PNISR: variants seen among roughly 807,000 people sequenced by gnomAD.
The protein encoded by PNISR is arginine/serine-rich protein PNISR.
In PNISR, 20 loss-of-function variants were observed where a neutral mutation model predicts 93.4. The observed-to-expected ratio is 0.21, with a 90% CI of 0.15 to 0.31. PNISR has a LOEUF of 0.31. Ranked by LOEUF, PNISR falls within the 10% of genes least tolerant of loss-of-function variation. The pLI, the probability that PNISR is intolerant of heterozygous loss-of-function variation, is 1.00. For missense variants in PNISR, 893 were observed against 985.4 expected (o/e 0.91, Z 1.25); for synonymous variants, 305 against 306.5 (o/e 0.99, Z 0.05).
At chr6:99,414,242 A>G (rs1777370603) in intron 3 of PNISR, among the ~76,000 whole-genome samples, 2 of 152,352 alleles carry the variant, frequency 1.3e-5, no homozygotes, top group African/African-American at 4.8e-5. Flanking sequence ...GTTCAATATA[A>G]TATACAACTT....
intron 1 of PNISR, among the ~76,000 whole-genome samples, chr6:99,421,111 G>A (rs1241437298): frequency 5.3e-5 from 8 of 152,234 alleles, no homozygotes; most frequent in African/African-American, 1.9e-4. Context: ...GTTAGGCTTG[G>A]GTTTTCAAGT....
At chr6:99,422,961 C>T (rs893521275) in intron 1 of PNISR, among the ~76,000 whole-genome samples, 8 of 149,950 alleles carry the variant, frequency 5.3e-5, no homozygotes, top group Non-Finnish European at 8.9e-5. Context: ...ATAAATGTAG[C>T]GAGAGCGCCC....
At position 99,410,729 on chromosome 6, in the gene PNISR, AAT is replaced by A. The variant is rs1776805292; in HGVS notation, c.501+10_501+11del. 1 of 1,598,396 alleles carries A rather than the reference AAT, an allele frequency of 6.3e-7. No homozygotes were observed. Among genetic ancestry groups the A allele is most frequent in the Non-Finnish European group, 8.6e-7 (1 of 1,166,234 alleles). On this transcript the variant is annotated intron_variant, in intron 5 of 11. Coordinates refer to ENST00000369239, the MANE Select transcript of PNISR (RefSeq NM_032870.4). ...CACATCTACAATATTAAAGCAACAA[AAT>A]ATCTTTCACCTGATAGTCAAACTGG... is the stretch of plus-strand genomic sequence containing the variant.
chr6:99,408,497 C>T (rs1776435956), intron 6 of PNISR, among the ~76,000 whole-genome samples: 1 of 152,146 alleles, frequency 6.6e-6, no homozygotes, highest in Non-Finnish European at 1.5e-5. Context: ...TCAGAGATCA[C>T]TACTATTACT....
Position 99,408,285 on chromosome 6 carries a change from GA to G in PNISR, c.674-15del. ...GTTTTACTGCGTCTGTTTCACGTGG[GA>G]AAAATATACGCAAGTCAGTTAAGTA... On this transcript the variant is annotated splice_polypyrimidine_tract_variant and intron_variant, in intron 6 of 11. Transcript: ENST00000369239. The G allele has an allele frequency of 2.6e-6, 4 of 1,565,562 alleles. No individual in the cohort carries two copies. The highest frequency in any genetic ancestry group is 2.6e-6 in the Non-Finnish European group (3 of 1,149,874).
Position 99,408,260 on chromosome 6 carries a change from G to A in PNISR, c.685C>T (p.Arg229Cys), listed in dbSNP as rs757917242. 7 of 1,603,916 alleles carry A rather than the reference G, an allele frequency of 4.4e-6. No individual in the cohort carries two copies. The highest frequency in any genetic ancestry group is 1.7e-5 in the Admixed American group (1 of 57,990). The stretch of plus-strand genomic sequence containing the variant: ...CGAATCCAAGCGGGAAGAGTCCTGC[G>A]TTTTACTGCGTCTGTTTCACGTGGG... ...QEPPQIDAVK[R>C]RTLPAWIREG... is the part of the protein sequence containing the mutation. Residue 229 changes from arginine to cysteine, a missense_variant, in exon 7 of 12, where the codon CGC (arginine) becomes TGC (cysteine). This residue lies in a region of PNISR where 866 missense variants were observed against 935.1 expected (regional missense o/e 0.93). Transcript: ENST00000369239.
intron 1 of PNISR, among the ~76,000 whole-genome samples, chr6:99,423,012 G>A (rs909976647): frequency 4.0e-5 from 6 of 151,670 alleles, no homozygotes; most frequent in Non-Finnish European, 5.9e-5. Context: ...CTAGGCACGA[G>A]AACTTGGTTT....
intron 2 of PNISR, chr6:99,415,764 A>G (rs1562255118): frequency 6.6e-6 from 1 of 152,184 alleles, no homozygotes; most frequent in Non-Finnish European, 1.5e-5. Flanking sequence ...ACAAGATAAA[A>G]GCAAGCCTTT....
chr6:99,420,114 A>C (rs939405537), intron 1 of PNISR, among the ~76,000 whole-genome samples: 2 of 152,166 alleles, frequency 1.3e-5, no homozygotes, highest in Non-Finnish European at 2.9e-5. Context: ...CAATCTCCTG[A>C]CCTCGTGATC....
At chr6:99,409,551 G>T in intron 5 of PNISR, 1 of 428,654 alleles carries the variant, frequency 2.3e-6, no homozygotes, top group East Asian at 3.7e-5. Flanking sequence ...ATGCAAAGAG[G>T]CTTCTAAAAG....
rs778834621 is a variant in PNISR, at chr6:99,400,938, C to T, written c.2020G>A (p.Asp674Asn). 8.9e-6 allele frequency: 14 copies of T among 1,576,732 alleles called. No homozygotes were observed. Among genetic ancestry groups the T allele is most frequent in the Non-Finnish European group, 1.1e-5 (13 of 1,146,894 alleles). The stretch of plus-strand genomic sequence containing the variant: ...TTGTCTTTCTTTTTCCTATCTTTAT[C>T]TATACTTCGACTCCTCTCCTTTTTC... The part of the protein sequence containing the change: ...ERKKERSRSI[D>N]KDRKKKDKER... The change falls in exon 12 of 12, where the codon GAT becomes AAT. Residue 674 changes from aspartate to asparagine, a missense_variant. Around this residue, in one of 3 missense-constraint regions of PNISR, gnomAD observed 866 missense variants for 935.1 expected, o/e 0.93. Transcript: ENST00000369239.
chr6:99,410,584 T>A (rs950304991), intron 5 of PNISR, 157 bp downstream of exon 5: 2 of 538,328 alleles, frequency 3.7e-6, no homozygotes, highest in Admixed American at 3.3e-5. Context: ...CAAATTCTAA[T>A]TATTTTAATA....
Position 99,408,218 on chromosome 6 carries a change from T to C in PNISR, c.727A>G (p.Met243Val), listed in dbSNP as rs775863536. The C allele has an allele frequency of 2.5e-6, 4 of 1,613,432 alleles. No homozygotes were observed. The highest frequency in any genetic ancestry group is 1.7e-4 in the Middle Eastern group (1 of 6,060). Residue 243 changes from methionine (M) to valine (V), a missense_variant, in exon 7 of 12, where the codon ATG becomes GTG. Met to Val is a conservative substitution (Grantham distance 21). Transcript: ENST00000369239. ...AATTTCTTCTGCTTTTCACGTTCCA[T>C]TTTTTCAAGACCTTCGCGAATCCAA... ...PAWIREGLEK[M>V]EREKQKKLEK...
chr6:99,407,495 T>C (rs1316591771), intron 7 of PNISR, among the ~76,000 whole-genome samples: 4 of 152,076 alleles, frequency 2.6e-5, no homozygotes, highest in Admixed American at 6.6e-5. Flanking sequence ...CCTGCCAAAA[T>C]CTAGTTATTT....
intron 1 of PNISR, among the ~76,000 whole-genome samples, chr6:99,419,152 CAAAAAAAAAAAAAA>C (rs1166838873): frequency 2.0e-4 from 4 of 19,804 alleles, no homozygotes; most frequent in African/African-American, 7.1e-4. Flanking sequence ...GACTCCGTCT[CAAAAAAAAAAAAAA>C]AAAAAAAAAA....
intron 1 of PNISR, among the ~76,000 whole-genome samples, chr6:99,420,242 A>G (rs980087619): frequency 6.6e-6 from 1 of 152,210 alleles, no homozygotes; most frequent in Non-Finnish European, 1.5e-5. Context: ...GCATTGGGCA[A>G]ATGTTCTCTG....
At chr6:99,409,721 GAACTA>G (rs1211439221) in intron 5 of PNISR, 5 of 160,808 alleles carry the variant, frequency 3.1e-5, no homozygotes, top group African/African-American at 1.2e-4. Flanking sequence ...AACAAAAAGT[GAACTA>G]AACAACTTAA....
intron 1 of PNISR, among the ~76,000 whole-genome samples, chr6:99,419,466 C>A (rs1369251745): frequency 6.6e-6 from 1 of 152,002 alleles, no homozygotes; most frequent in Non-Finnish European, 1.5e-5. Flanking sequence ...GTACAAACTG[C>A]ATTAAGCGAA....
intron 1 of PNISR, among the ~76,000 whole-genome samples, chr6:99,423,586 T>C (rs1562269714): frequency 6.6e-6 from 1 of 152,196 alleles, no homozygotes; most frequent in South Asian, 2.1e-4. Context: ...CTTGATAGCA[T>C]GTGTTGAAAA....
Sources: allele counts gnomAD v4.1 joint callset (sites outside exome capture counted in the v4.1 genomes callset), GRCh38; gene constraint gnomAD v4.1.1; regional missense constraint gnomAD v4.1.1; transcripts MANE v1.5; gene names NCBI Gene and HGNC (gene_info 2026-07-23, HGNC 2026-07-21).